Variants in MAPK8IP3 observed in about 807,000 individuals in gnomAD.
MAPK8IP3 encodes the protein C-Jun-amino-terminal kinase-interacting protein 3.
A neutral mutation model predicts 157.8 loss-of-function variants in MAPK8IP3; 49 were observed. That is an observed-to-expected ratio of 0.31 (90% confidence interval 0.25 to 0.39). MAPK8IP3 has a LOEUF of 0.39. MAPK8IP3 is among the 10% of genes least tolerant of loss of function. The pLI, the probability that MAPK8IP3 is intolerant of heterozygous loss-of-function variation, is 1.00. For missense variants in MAPK8IP3, 1,478 were observed against 1,889.4 expected (o/e 0.78, Z 4.04); for synonymous variants, 897 against 777.7 (o/e 1.15, Z -2.55).
chr16:1,708,540 A>T (rs531782180), intron 1 of MAPK8IP3, among the ~76,000 whole-genome samples: 1 of 152,354 alleles, frequency 6.6e-6, no homozygotes, highest in South Asian at 2.1e-4. Flanking sequence ...CTTAAAAATG[A>T]GCTGTGCACA....
intron 1 of MAPK8IP3, among the ~76,000 whole-genome samples, chr16:1,719,773 G>A (rs1048009474): frequency 3.3e-5 from 5 of 151,992 alleles, no homozygotes; most frequent in Non-Finnish European, 4.4e-5. Context: ...TTGAGCCCGC[G>A]AGGTCAAGGC....
At chr16:1,753,733 G>A (rs1002308208) in intron 8 of MAPK8IP3, among the ~76,000 whole-genome samples, 2 of 151,716 alleles carry the variant, frequency 1.3e-5, no homozygotes, top group African/African-American at 4.8e-5. Flanking sequence ...GAGCCACCGT[G>A]CCCAGCCCCA....
At chr16:1,725,897 C>T (rs1400057176) in intron 2 of MAPK8IP3, among the ~76,000 whole-genome samples, 1 of 152,134 alleles carries the variant, frequency 6.6e-6, no homozygotes, top group Non-Finnish European at 1.5e-5. Flanking sequence ...TGGGGTTTCA[C>T]TGTGTTAGCC....
At position 1,766,426 on chromosome 16, in the gene MAPK8IP3, G is replaced by A. The variant is rs781759999; in HGVS notation, c.2819+17G>A. ...GCCTGGCAGGTGAGCTCTTGGGCTG[G>A]GGCAGGAGCAGAGGGAAGGCTTGCA... On this transcript the variant is annotated intron_variant, in intron 22 of 31. Coordinates refer to ENST00000610761, the MANE Select transcript of MAPK8IP3 (RefSeq NM_001318852.2). 1 of 1,607,502 alleles carries A rather than the reference G, an allele frequency of 6.2e-7. No homozygotes were observed.
intron 1 of MAPK8IP3, among the ~76,000 whole-genome samples, chr16:1,715,186 G>A (rs906836463): frequency 5.9e-5 from 9 of 152,150 alleles, no homozygotes; most frequent in Non-Finnish European, 7.3e-5. Flanking sequence ...TTCACAGAAC[G>A]TGAGGAAGCC....
At chr16:1,744,491 C>T (rs1432550561) in intron 5 of MAPK8IP3, 1 of 985,528 alleles carries the variant, frequency 1.0e-6, no homozygotes, top group Non-Finnish European at 1.2e-6. Context: ...CTGGAACGCT[C>T]TCCTGTCCTC....
intron 4 of MAPK8IP3, among the ~76,000 whole-genome samples, chr16:1,739,471 A>G (rs1266438545): frequency 9.5e-6 from 1 of 105,418 alleles, no homozygotes; most frequent in African/African-American, 4.0e-5. Context: ...CTTCCGTGTG[A>G]CCGTCCGTGT....
rs2038762859 is a variant in MAPK8IP3, at chr16:1,724,804, A to G, written c.439+127A>G. Reference sequence around the variant, plus strand: ...AGGAAGCCCAGTGGGAGCCTCAGCCATGTATTCCAGCTCTTTGTACTGCTG... The same window carrying G: ...AGGAAGCCCAGTGGGAGCCTCAGCCGTGTATTCCAGCTCTTTGTACTGCTG... On this transcript the variant is annotated intron_variant, in intron 2 of 31. Coordinates refer to ENST00000610761, the MANE Select transcript of MAPK8IP3 (RefSeq NM_001318852.2). This position sits in a 1 kb window ranked among gnomAD's most constrained non-coding sequence, Gnocchi z 4.1. 8 of 1,268,978 alleles carry G rather than the reference A, an allele frequency of 6.3e-6. No homozygotes were observed. In the South Asian group the frequency reaches 1.1e-4, roughly 18 times the overall value. The allele number at this position is 1,268,978 out of a possible 1,614,324, so 78.6% of individuals were successfully genotyped here.
intron 16 of MAPK8IP3, among the ~76,000 whole-genome samples, chr16:1,763,413 C>T (rs144716848): frequency 1.3e-4 from 20 of 152,368 alleles, no homozygotes; most frequent in Admixed American, 3.3e-4. Context: ...GCCTCTGGGT[C>T]GAGCAGGGGC....
rs1040215772 is a variant in MAPK8IP3, at chr16:1,724,943, G to T, written c.439+266G>T. Among the ~76,000 whole-genome samples the T allele has an allele frequency of 2.6e-5, 4 of 152,132 alleles. No homozygotes were observed. Among genetic ancestry groups the T allele is most frequent in the African/African-American group, 9.7e-5 (4 of 41,432 alleles). On this transcript the variant is annotated intron_variant, in intron 2 of 31. Transcript: ENST00000610761. This position sits in a 1 kb window ranked among gnomAD's most constrained non-coding sequence, Gnocchi z 4.1. Reference sequence around the variant, plus strand: ...TCTGACCCCCAGATCACAAGTCTGTGGTCCTGAAGGTCCTTCCTGAATCTT... The same window carrying T: ...TCTGACCCCCAGATCACAAGTCTGTTGTCCTGAAGGTCCTTCCTGAATCTT...
At chr16:1,717,883 G>A (rs1420588696) in intron 1 of MAPK8IP3, among the ~76,000 whole-genome samples, 3 of 150,036 alleles carry the variant, frequency 2.0e-5, no homozygotes, top group African/African-American at 4.9e-5. Context: ...ATGGAGTCTC[G>A]CTCTATCGCC....
Position 1,769,864 on chromosome 16 carries a change from G to C in MAPK8IP3, c.*1040G>C, listed in dbSNP as rs2042507678. ...GGAGCAACAGAGAGGCCACCAAGCAGAGGCCCGTGGGGCTGAGGATGGAGC... is the reference window on the plus strand; with the variant it reads ...GGAGCAACAGAGAGGCCACCAAGCACAGGCCCGTGGGGCTGAGGATGGAGC... On this transcript the variant is annotated 3_prime_UTR_variant, in exon 32 of 32. Coordinates refer to ENST00000610761, the MANE Select transcript of MAPK8IP3 (RefSeq NM_001318852.2). 1 of 152,350 alleles carries C rather than the reference G, an allele frequency of 6.6e-6. No individual in the cohort carries two copies. Among genetic ancestry groups the C allele is most frequent in the South Asian group, 2.1e-4 (1 of 4,838 alleles). The allele number at this position is 152,350 out of a possible 1,614,324, so 9.4% of individuals were successfully genotyped here.
chr16:1,763,357 C>G (rs765017030), intron 16 of MAPK8IP3, among the ~76,000 whole-genome samples: 4 of 152,270 alleles, frequency 2.6e-5, no homozygotes, highest in Non-Finnish European at 1.5e-5. Flanking sequence ...CGGCGGCACT[C>G]CAGGTCCCGG....
chr16:1,767,326 G>A (rs1292754266), intron 26 of MAPK8IP3, 29 bp downstream of exon 26: 3 of 1,611,298 alleles, frequency 1.9e-6, no homozygotes, highest in Admixed American at 3.3e-5. Context: ...CCCGGGGAGG[G>A]GAAGAGGCTC....
At chr16:1,761,773 G>A (rs1034973359) in intron 13 of MAPK8IP3, among the ~76,000 whole-genome samples, 8 of 147,836 alleles carry the variant, frequency 5.4e-5, no homozygotes, top group Admixed American at 3.3e-4. Flanking sequence ...GCATTCACAC[G>A]TGGGGCAGCC....
Position 1,760,349 on chromosome 16 carries a change from G to A in MAPK8IP3, c.1305-31G>A, listed in dbSNP as rs571982944. The A allele has an allele frequency of 1.2e-4, 196 of 1,596,708 alleles. 1 individual carries two copies. In the Admixed American group the frequency reaches 2.8e-3, roughly 23 times the overall value. On this transcript the variant is annotated intron_variant, in intron 11 of 31. Coordinates refer to ENST00000610761, the MANE Select transcript of MAPK8IP3 (RefSeq NM_001318852.2). ...CTTCACGTACCTGTATGCCGCGCCC[G>A]TGGCACTCCCATCTTTCTGCTTTTT...
At position 1,764,294 on chromosome 16, in the gene MAPK8IP3, C is replaced by G; in HGVS notation, c.2122-7C>G. The stretch of plus-strand genomic sequence containing the variant: ...GGTGACACCCGACCTCGGCCCTGCC[C>G]TTGCAGCTGTGGTGTGCCGCGGGCG... On this transcript the variant is annotated splice_polypyrimidine_tract_variant and splice_region_variant and intron_variant, in intron 18 of 31. Coordinates refer to ENST00000610761, the MANE Select transcript of MAPK8IP3 (RefSeq NM_001318852.2). The G allele has an allele frequency of 1.3e-5, 20 of 1,581,600 alleles. No homozygotes were observed. Among genetic ancestry groups the G allele is most frequent in the Non-Finnish European group, 1.7e-5 (20 of 1,165,078 alleles).
At chr16:1,737,758 G>T (rs2040120546) in intron 4 of MAPK8IP3, among the ~76,000 whole-genome samples, 1 of 37,552 alleles carries the variant, frequency 2.7e-5, no homozygotes, top group Non-Finnish European at 4.4e-5. Context: ...CCATCCGTGT[G>T]TGTGACCATC....
Position 1,746,879 on chromosome 16 carries a change from C to T in MAPK8IP3, c.748-150C>T, listed in dbSNP as rs538364723. 9.2e-4 allele frequency: 884 copies of T among 961,140 alleles called. 2 individuals carry two copies. The highest frequency in any genetic ancestry group is 1.2e-3 in the Non-Finnish European group (785 of 664,000). 59.5% of individuals were successfully genotyped at this position (961,140 alleles called of 1,614,324 possible). A position where few individuals can be genotyped will look rare whatever the true frequency, so the allele number is the denominator to read the frequency against. ...GTGGTGAGGCCCGGAAGGGTTAGCC[C>T]GGTGGGCGGCAGAGGAGCTCTGGCC... On this transcript the variant is annotated intron_variant, in intron 5 of 31. Coordinates refer to ENST00000610761, the MANE Select transcript of MAPK8IP3 (RefSeq NM_001318852.2).
Sources: gnomAD v4.1 joint callset for allele counts (sites outside exome capture counted in the v4.1 genomes callset) on GRCh38, gnomAD v4.1.1 for gene constraint, Gnocchi (gnomAD v3.1) non-coding constraint, MANE v1.5 for transcripts, NCBI Gene and HGNC (gene_info 2026-07-23, HGNC 2026-07-21) for gene names.